Variants in PUM2 observed in about 807,000 individuals in gnomAD.
The protein encoded by PUM2 is pumilio RNA binding family member 2, also known as pumilio homolog 2.
A neutral mutation model predicts 124.5 loss-of-function variants in PUM2; 57 were observed. The observed-to-expected ratio is 0.46, with a 90% CI of 0.37 to 0.57. The LOEUF (loss-of-function observed/expected upper bound fraction) is 0.57, where lower values mean the gene tolerates loss of function less well. Ranked by LOEUF, PUM2 falls within the 20% of genes least tolerant of loss-of-function variation. The probability of loss-of-function intolerance (pLI) is 0.00; values close to 1 mark genes in which losing one functional copy is unlikely to be tolerated. For missense variants in PUM2, 1,065 were observed against 1,290.6 expected, an observed-to-expected ratio of 0.83 and a Z score of 2.68; for synonymous variants, 460 against 446.1, an observed-to-expected ratio of 1.03 and a Z score of -0.39.
intron 13 of PUM2, among the ~76,000 whole-genome samples, chr2:20,266,744 TA>T (rs971793572): frequency 2.0e-4 from 31 of 152,188 alleles, no homozygotes; most frequent in Non-Finnish European, 4.4e-4. Flanking sequence ...GTCAAGGTCA[TA>T]AAAAACAGAA....
Position 20,317,002 on chromosome 2 carries a change from G to A in PUM2, c.160+1535C>T, listed in dbSNP as rs530115012. ...GCCAAGACTGGGCCACTGCACTCCA[G>A]CCTGGGCCACAGAGCGAGACTCTGT... On this transcript the variant is annotated intron_variant, in intron 3 of 20. Transcript: ENST00000361078. 8.5e-5 allele frequency among the ~76,000 whole-genome samples: 13 copies of A among 152,136 alleles called. No individual in the cohort carries two copies. The East Asian group carries it at 2.3e-3, about 27-fold the overall frequency.
At chr2:20,338,767 CATGAAAAGGCAAA>C (rs1686637382) in intron 1 of PUM2, among the ~76,000 whole-genome samples, 1 of 152,162 alleles carries the variant, frequency 6.6e-6, no homozygotes, top group Non-Finnish European at 1.5e-5. Context: ...CAGGTTATTA[CATGAAAAGGCAAA>C]GTGAAAACCA....
At chr2:20,269,081 G>C (rs919610709) in intron 13 of PUM2, among the ~76,000 whole-genome samples, 7 of 152,198 alleles carry the variant, frequency 4.6e-5, no homozygotes, top group African/African-American at 1.7e-4. Flanking sequence ...TTCATGTAAA[G>C]TTGTCAGTCA....
At chr2:20,336,688 TG>T (rs1686119199) in intron 1 of PUM2, among the ~76,000 whole-genome samples, 2 of 138,946 alleles carry the variant, frequency 1.4e-5, no homozygotes, top group East Asian at 2.0e-4. Context: ...AATTTGTGTG[TG>T]TGTGTGTGTG....
chr2:20,308,006 T>C lies in PUM2; in HGVS notation c.855A>G (p.Ala285=), dbSNP rs1376984814. 3.1e-6 allele frequency: 5 copies of C among 1,613,534 alleles called. No homozygotes were observed. The highest frequency in any genetic ancestry group is 2.2e-5 in the East Asian group (1 of 44,846). ...TATGTGGCTGCTGAGCTGCTGCTAA[T>C]GCATATTGCTGCTGTTGAGCTGCAG... ...QLTAAQQQQY[A]LAAAQQPHIA... The change falls in exon 7 of 21, where the codon GCA becomes GCG. Residue 285 remains alanine, a synonymous_variant. Coordinates refer to ENST00000361078, the MANE Select transcript of PUM2 (RefSeq NM_015317.5).
chr2:20,323,447 CAAAAAAAA>C (rs1158061957), intron 2 of PUM2, among the ~76,000 whole-genome samples: 4 of 84,860 alleles, frequency 4.7e-5, no homozygotes, highest in African/African-American at 1.4e-4. Flanking sequence ...GACTCCATCT[CAAAAAAAA>C]AAAAAAAAAA....
chr2:20,261,394 CAAAAAAAAAAAAAA>C (rs200294801), intron 14 of PUM2, among the ~76,000 whole-genome samples: 18 of 76,780 alleles, frequency 2.3e-4, no homozygotes, highest in African/African-American at 4.0e-4. Flanking sequence ...ACTCTGTCTC[CAAAAAAAAAAAAAA>C]AAAAAAAAAA....
rs1479592331 is a variant in PUM2 at position 20,249,955 on chromosome 2, G to C, written c.*1630C>G. ...AATGTACATAAGGCCGCTTGTAAATGTACATCGTGTTACTGTTATGTCTTA... is the reference window on the plus strand; with the variant it reads ...AATGTACATAAGGCCGCTTGTAAATCTACATCGTGTTACTGTTATGTCTTA... On this transcript the variant is annotated 3_prime_UTR_variant, in exon 21 of 21. Transcript: ENST00000361078. 6.6e-6 allele frequency: 1 copy of C among 152,594 alleles called. No homozygotes were observed. The highest frequency in any genetic ancestry group is 1.9e-4 in the East Asian group (1 of 5,200). 9.5% of individuals were successfully genotyped at this position (152,594 alleles called of 1,614,324 possible).
At chr2:20,290,188 T>C (rs1257925087) in intron 10 of PUM2, among the ~76,000 whole-genome samples, 1 of 152,190 alleles carries the variant, frequency 6.6e-6, no homozygotes, top group African/African-American at 2.4e-5. Context: ...TATTAAGTTA[T>C]AAATAATAGT....
At chr2:20,349,914 C>T (rs1688974552) in intron 1 of PUM2, among the ~76,000 whole-genome samples, 1 of 152,200 alleles carries the variant, frequency 6.6e-6, no homozygotes. Flanking sequence ...TCAGAAACAA[C>T]ACTAACTTTT....
At position 20,254,808 on chromosome 2, in the gene PUM2, T is replaced by C. The variant is rs112134775; in HGVS notation, c.2870+55A>G. ...CTACACGTATTTCTGTGATAACTAA[T>C]AAAAGTCAATGAGTTGAAAGAATTG... On this transcript the variant is annotated intron_variant, in intron 19 of 20. Coordinates refer to ENST00000361078, the MANE Select transcript of PUM2 (RefSeq NM_015317.5). 1,330 of 1,557,918 alleles carry C rather than the reference T, an allele frequency of 8.5e-4. 13 individuals are homozygous for C. In the African/African-American group the frequency reaches 0.013, roughly 15 times the overall value.
rs35992339 is a variant in PUM2, at chr2:20,343,135, T to TAA, written c.-19+7460_-19+7461dup. On this transcript the variant is annotated intron_variant, in intron 1 of 20. Transcript: ENST00000361078. ...ATATATTTTTAAAAGAGTCTGTGTT[T>TAA]AAAAAAAAATTGAGTATAATTTAAA... Among the ~76,000 whole-genome samples, 9 of 151,600 alleles carry TAA rather than the reference T, an allele frequency of 5.9e-5. No individual in the cohort carries two copies. The East Asian group carries it at 1.6e-3, about 26-fold the overall frequency.
chr2:20,272,176 AATGAATGAATG>A (rs1669196565), intron 13 of PUM2, among the ~76,000 whole-genome samples: 12 of 151,790 alleles, frequency 7.9e-5, no homozygotes, highest in African/African-American at 2.4e-5. Flanking sequence ...TGAATGAATG[AATGAATGAATG>A]AATAAATAAA....
At position 20,258,378 on chromosome 2, in the gene PUM2, G is replaced by A. The variant is rs773975964; in HGVS notation, c.2356-7C>T. 2.5e-6 allele frequency: 4 copies of A among 1,610,248 alleles called. No homozygotes were observed. The South Asian group carries it at 3.3e-5, about 13-fold the overall frequency. On this transcript the variant is annotated splice_polypyrimidine_tract_variant and splice_region_variant and intron_variant, in intron 15 of 20. Coordinates refer to ENST00000361078, the MANE Select transcript of PUM2 (RefSeq NM_015317.5). The stretch of plus-strand genomic sequence containing the variant: ...TTTGATCCAGACTCCCAAACTGACA[G>A]AAAAGATATAACATTAATAACAAGT...
At chr2:20,310,640 T>C (rs1381224163) in intron 5 of PUM2, among the ~76,000 whole-genome samples, 2 of 143,252 alleles carry the variant, frequency 1.4e-5, no homozygotes, top group East Asian at 4.1e-4. Flanking sequence ...AATGGCACTG[T>C]TTTTAAGAAG....
At chr2:20,260,498 T>C in intron 14 of PUM2, 32 bp from the exon 15 acceptor site, 3 of 1,562,580 alleles carry the variant, frequency 1.9e-6, no homozygotes, top group Non-Finnish European at 2.6e-6. Context: ...TATGACAATA[T>C]GTTTTTTAAT....
In PUM2 at chr2:20,283,168, C is replaced by T. The variant is rs1173281455; in HGVS notation, c.1499G>A (p.Arg500Gln). 23 of 1,613,830 alleles carry T rather than the reference C, an allele frequency of 1.4e-5. No individual in the cohort carries two copies. Among genetic ancestry groups the T allele is most frequent in the Admixed American group, 1.0e-4 (6 of 59,928 alleles). The change falls in exon 12 of 21, where the codon CGG becomes CAG. Residue 500 changes from arginine (R) to glutamine (Q), a missense_variant. By Grantham distance (43) the Arg-to-Gln change is conservative. Around this residue, in one of 3 missense-constraint regions of PUM2, gnomAD observed 968 missense variants for 1,159.8 expected, o/e 0.83. Transcript: ENST00000361078. Reference sequence around the variant, plus strand: ...CTGTGGTGGCTGAGTGCCAATTGGCCGAAACAGACCATTTGTGCTGCCTGT... The same window carrying T: ...CTGTGGTGGCTGAGTGCCAATTGGCTGAAACAGACCATTTGTGCTGCCTGT... Reference protein sequence around the residue: ...SLTGSTNGLFRPIGTQPPQQQ... With the variant: ...SLTGSTNGLFQPIGTQPPQQQ...
intron 13 of PUM2, among the ~76,000 whole-genome samples, chr2:20,272,334 G>T (rs943381078): frequency 6.6e-6 from 1 of 152,134 alleles, no homozygotes; most frequent in East Asian, 1.9e-4. Flanking sequence ...AGAATAAAGC[G>T]TGTTTGTGTG....
Position 20,312,335 on chromosome 2 carries a change from C to T in PUM2, c.249G>A (p.Pro83=), listed in dbSNP as rs762545735. ...GNSEVNAILS[P]RSESGGLGVS... ...CACCAAGGCCTCCACTTTCTGATCG[C>T]GGAGACAGTATTGCATTTACTTCAC... The change falls in exon 4 of 21, where the codon CCG becomes CCA. Residue 83 remains proline, a synonymous_variant. Coordinates refer to ENST00000361078, the MANE Select transcript of PUM2 (RefSeq NM_015317.5). The T allele has an allele frequency of 3.5e-5, 56 of 1,613,066 alleles. No individual in the cohort carries two copies. The South Asian group carries it at 3.7e-4, about 11-fold the overall frequency.
Sources: allele counts gnomAD v4.1 joint callset (sites outside exome capture counted in the v4.1 genomes callset), GRCh38; gene constraint gnomAD v4.1.1; regional missense constraint gnomAD v4.1.1; transcripts MANE v1.5; gene names NCBI Gene and HGNC (gene_info 2026-07-23, HGNC 2026-07-21).